Variants in DOCK2 observed in about 807,000 individuals in gnomAD.
DOCK2 encodes the protein dedicator of cytokinesis protein 2.
A neutral mutation model predicts 248.9 loss-of-function variants in DOCK2; 87 were observed. The ratio of observed to expected loss-of-function variants is 0.35; its 90% CI spans 0.29 to 0.42. DOCK2 has a LOEUF of 0.42. Among genes scored for constraint, DOCK2 ranks in the 10% least tolerant of loss-of-function variants. The probability of loss-of-function intolerance (pLI) is 1.00; values close to 1 mark genes in which losing one functional copy is unlikely to be tolerated. For missense variants in DOCK2, 1,747 were observed against 2,300.2 expected, an observed-to-expected ratio of 0.76 and a Z score of 4.92; for synonymous variants, 805 against 821.6, an observed-to-expected ratio of 0.98 and a Z score of 0.35.
At chr5:170,041,442 C>T (rs891271802) in intron 37 of DOCK2, among the ~76,000 whole-genome samples, 3 of 152,178 alleles carry the variant, frequency 2.0e-5, no homozygotes, top group African/African-American at 7.2e-5. Context: ...GAGCTGCATT[C>T]CTTCTGTTGA....
At chr5:169,904,315 T>C (rs761990577) in intron 27 of DOCK2, among the ~76,000 whole-genome samples, 11 of 151,948 alleles carry the variant, frequency 7.2e-5, no homozygotes, top group Non-Finnish European at 1.6e-4. Flanking sequence ...GTCCCTTCCT[T>C]TTTCTTGCAA....
Position 169,761,602 on chromosome 5 carries a change from A to T in DOCK2, c.2531A>T (p.Gln844Leu). ...GTACAGTCTATGAATGAGATAGTCC[A>T]GAGCAACCTCTTTAAAAAGCAAGGT... ...QKVQSMNEIVQSNLFKKQECR... is the reference protein window; with the variant it reads ...QKVQSMNEIVLSNLFKKQECR... Residue 844 changes from glutamine to leucine, a missense_variant, in exon 25 of 52, where the codon CAG becomes CTG. Physicochemically the swap from Gln to Leu is moderately radical, Grantham distance 113. Transcript: ENST00000520908. 6.2e-7 allele frequency: 1 copy of T among 1,614,064 alleles called. No homozygotes were observed. Among genetic ancestry groups the T allele is most frequent in the South Asian group, 1.1e-5 (1 of 91,076 alleles).
intron 10 of DOCK2, among the ~76,000 whole-genome samples, chr5:169,696,735 C>T (rs954626856): frequency 6.6e-6 from 1 of 152,008 alleles, no homozygotes; most frequent in African/African-American, 2.4e-5. Context: ...ATGCTCTGAT[C>T]TGTAATCGCA....
chr5:169,885,247 C>A (rs1772906381), intron 27 of DOCK2, among the ~76,000 whole-genome samples: 1 of 152,220 alleles, frequency 6.6e-6, no homozygotes, highest in Non-Finnish European at 1.5e-5. Flanking sequence ...GCATCTCCTC[C>A]ACTACCCTGT....
In DOCK2 at chr5:169,830,259, G is replaced by A. The variant is rs533950563; in HGVS notation, c.2704-10498G>A. Among the ~76,000 whole-genome samples the A allele has an allele frequency of 9.9e-4, 150 of 152,200 alleles. 1 individual carries two copies. Among genetic ancestry groups the A allele is most frequent in the Non-Finnish European group, 1.6e-3 (110 of 68,032 alleles). On this transcript the variant is annotated intron_variant, in intron 26 of 51. Transcript: ENST00000520908. ...AAGGTTATTCTGTGAATTAAATGAG[G>A]TGGCTCATGTAAAGCACTTATCATA...
intron 30 of DOCK2, chr5:169,998,157 A>C (rs925750695): frequency 3.7e-5 from 15 of 403,374 alleles, no homozygotes; most frequent in African/African-American, 3.1e-4. Flanking sequence ...GAGTCTCTTC[A>C]TAGCACTAAA....
chr5:169,922,279 T>C (rs1469056023), intron 27 of DOCK2, among the ~76,000 whole-genome samples: 1 of 152,210 alleles, frequency 6.6e-6, no homozygotes, highest in African/African-American at 2.4e-5. Flanking sequence ...GAGGAAAAGA[T>C]GAAGGCTCAG....
At chr5:169,843,156 G>C (rs769937674) in intron 27 of DOCK2, among the ~76,000 whole-genome samples, 12 of 152,128 alleles carry the variant, frequency 7.9e-5, no homozygotes, top group Non-Finnish European at 1.3e-4. Context: ...TTACATGCAG[G>C]CTTAGCCTCT....
intron 27 of DOCK2, among the ~76,000 whole-genome samples, chr5:169,857,446 A>C (rs1417030117): frequency 5.9e-5 from 9 of 152,214 alleles, no homozygotes; most frequent in Non-Finnish European, 1.5e-5. Context: ...TGTAGACCTC[A>C]GGGATTACAG....
intron 41 of DOCK2, among the ~76,000 whole-genome samples, chr5:170,052,638 G>A (rs1308182529): frequency 6.6e-6 from 1 of 152,178 alleles, no homozygotes; most frequent in Non-Finnish European, 1.5e-5. Flanking sequence ...GTTAGTGATG[G>A]AACTGGTACT....
chr5:170,045,787 T>TCAC (rs1244691037), intron 38 of DOCK2, 29 bp from the exon 39 acceptor site: 3 of 1,611,296 alleles, frequency 1.9e-6, no homozygotes, highest in Non-Finnish European at 2.5e-6. Flanking sequence ...TGGTGCCACC[T>TCAC]CACCTTTGTC....
At chr5:169,934,672 T>C (rs1419384213) in intron 27 of DOCK2, 2 of 456,170 alleles carry the variant, frequency 4.4e-6, no homozygotes, top group East Asian at 1.4e-4. Context: ...ATGATAGGAC[T>C]GAACCGATTG....
At chr5:169,977,554 AG>A (rs1296727311) in intron 27 of DOCK2, among the ~76,000 whole-genome samples, 1 of 152,234 alleles carries the variant, frequency 6.6e-6, no homozygotes, top group Non-Finnish European at 1.5e-5. Context: ...CTGAGGCACA[AG>A]ACCCTGCTCG....
At chr5:169,903,191 C>T (rs1356646381) in intron 27 of DOCK2, among the ~76,000 whole-genome samples, 1 of 151,216 alleles carries the variant, frequency 6.6e-6, no homozygotes, top group African/African-American at 2.4e-5. Context: ...GTGGGAGGAT[C>T]TTTTCAGCCC....
At chr5:169,979,409 T>A (rs1197485647) in intron 27 of DOCK2, among the ~76,000 whole-genome samples, 1 of 152,202 alleles carries the variant, frequency 6.6e-6, no homozygotes, top group Non-Finnish European at 1.5e-5. Flanking sequence ...AGGAAACTAC[T>A]GAAAAAGAGA....
chr5:169,917,293 T>G (rs1258184149), intron 27 of DOCK2, among the ~76,000 whole-genome samples: 1 of 152,216 alleles, frequency 6.6e-6, no homozygotes, highest in African/African-American at 2.4e-5. Context: ...TCATCTCCCA[T>G]GACACCCAAG....
chr5:169,978,398 G>C (rs1431284927), intron 27 of DOCK2, among the ~76,000 whole-genome samples: 2 of 141,232 alleles, frequency 1.4e-5, no homozygotes, highest in Middle Eastern at 3.5e-3. Context: ...TGTGTGGGGG[G>C]GGGGGGGTGT....
chr5:169,695,669 C>A, intron 9 of DOCK2, 134 bp from the exon 10 acceptor site: 2 of 1,271,444 alleles, frequency 1.6e-6, no homozygotes, highest in Non-Finnish European at 2.1e-6. Flanking sequence ...TTTTCCAGGA[C>A]TTATTGTATG....
At chr5:169,807,854 A>AAAAAAT (rs1752022594) in intron 26 of DOCK2, among the ~76,000 whole-genome samples, 2 of 149,958 alleles carry the variant, frequency 1.3e-5, no homozygotes, top group African/African-American at 5.0e-5. Flanking sequence ...AAAAAAAAAA[A>AAAAAAT]AAAAATCTAG....
Sources: gnomAD v4.1 joint callset for allele counts (sites outside exome capture counted in the v4.1 genomes callset) on GRCh38, gnomAD v4.1.1 for gene constraint, MANE v1.5 for transcripts, NCBI Gene and HGNC (gene_info 2026-07-23, HGNC 2026-07-21) for gene names.